SCAF11: variants seen among roughly 807,000 people sequenced by gnomAD.
SCAF11 encodes protein SCAF11.
In SCAF11, 47 loss-of-function variants were observed where a neutral mutation model predicts 140.5. The observed-to-expected ratio is 0.33, with a 90% CI of 0.26 to 0.43. SCAF11 has a LOEUF of 0.43. Ranked by LOEUF, SCAF11 falls within the 20% of genes least tolerant of loss-of-function variation. SCAF11 has a pLI of 1.00. For synonymous variants in SCAF11, 557 were observed against 579.4 expected, an observed-to-expected ratio of 0.96 and a Z score of 0.55; for missense variants, 1,645 against 1,705.1, an observed-to-expected ratio of 0.96 and a Z score of 0.62.
Position 45,928,632 on chromosome 12 carries a change from T to G in SCAF11, c.1069A>C (p.Ser357Arg), listed in dbSNP as rs1944961126. 3 of 1,614,136 alleles carry G rather than the reference T, an allele frequency of 1.9e-6. No individual in the cohort carries two copies. The highest frequency in any genetic ancestry group is 2.5e-6 in the Non-Finnish European group (3 of 1,180,010). Residue 357 changes from serine to arginine, a missense_variant, in exon 11 of 15, where the codon AGT becomes CGT. Around this residue, in one of 2 missense-constraint regions of SCAF11, gnomAD observed 1,582 missense variants for 1,609.2 expected, o/e 0.98. Transcript: ENST00000369367. ...DAPGNSNPSL[S>R]VPSSAESEKQ... Reference sequence around the variant, plus strand: ...TCTGACTCAGCTGAAGAGGGAACACTTAAAGATGGATTACTGTTACCTGGG... The same window carrying G: ...TCTGACTCAGCTGAAGAGGGAACACGTAAAGATGGATTACTGTTACCTGGG...
chr12:45,982,490 T>G (rs1946369829), intron 1 of SCAF11, among the ~76,000 whole-genome samples: 1 of 152,130 alleles, frequency 6.6e-6, no homozygotes, highest in African/African-American at 2.4e-5. Flanking sequence ...GCAGATCACT[T>G]GAGGTCAGGA....
At position 45,928,119 on chromosome 12, in the gene SCAF11, G is replaced by C. The variant is rs770404254; in HGVS notation, c.1582C>G (p.Gln528Glu). Residue 528 changes from glutamine to glutamate, a missense_variant, in exon 11 of 15, where the codon CAG becomes GAG. This residue lies in a region of SCAF11 where 1,582 missense variants were observed against 1,609.2 expected (regional missense o/e 0.98). Transcript: ENST00000369367. ...TCTGATTGTGAAAGTCCAGATATCT[G>C]GTCTTGCTTTTCCAATGGATCACCT... is the stretch of plus-strand genomic sequence containing the variant. Reference protein sequence around the residue: ...KGGDPLEKQDQISGLSQSEVK... With the variant: ...KGGDPLEKQDEISGLSQSEVK... The C allele has an allele frequency of 6.2e-7, 1 of 1,613,728 alleles. No individual in the cohort carries two copies. Among genetic ancestry groups the C allele is most frequent in the Non-Finnish European group, 8.5e-7 (1 of 1,179,966 alleles).
At chr12:45,922,794 T>C in intron 13 of SCAF11, 142 bp downstream of exon 13, 2 of 851,204 alleles carry the variant, frequency 2.3e-6, no homozygotes, top group Non-Finnish European at 3.7e-6. Flanking sequence ...CATCAACACA[T>C]CTAGAGAGAA....
rs1319171025 is a variant in SCAF11, at chr12:45,927,691, A to C, written c.2010T>G (p.Asn670Lys). ...IQDSENNLLK[N>K]NLLNTKLEKS... is the part of the protein sequence containing the mutation. ...TTTCCAATTTGGTGTTCAGAAGATT[A>C]TTTTTTAGTAAGTTATTTTCAGAGT... The change falls in exon 11 of 15, where the codon AAT (asparagine) becomes AAG (lysine). Residue 670 changes from asparagine to lysine, a missense_variant. This residue lies in a region of SCAF11 where 1,582 missense variants were observed against 1,609.2 expected (regional missense o/e 0.98). Transcript: ENST00000369367. The C allele has an allele frequency of 6.2e-7, 1 of 1,611,962 alleles. No individual in the cohort carries two copies. Among genetic ancestry groups the C allele is most frequent in the Non-Finnish European group, 8.5e-7 (1 of 1,179,564 alleles).
At chr12:45,925,378 C>G (rs1003359735) in intron 11 of SCAF11, among the ~76,000 whole-genome samples, 1 of 152,074 alleles carries the variant, frequency 6.6e-6, no homozygotes, top group Non-Finnish European at 1.5e-5. Context: ...CATGGTGAAA[C>G]CCCGTCTCTA....
chr12:45,977,525 C>T (rs1480327790), intron 1 of SCAF11, among the ~76,000 whole-genome samples: 1 of 152,048 alleles, frequency 6.6e-6, no homozygotes, highest in Non-Finnish European at 1.5e-5. Context: ...TGTATTAAAA[C>T]TCACAGAACT....
chr12:45,978,782 C>T (rs1176847033), intron 1 of SCAF11, among the ~76,000 whole-genome samples: 1 of 152,114 alleles, frequency 6.6e-6, no homozygotes, highest in Non-Finnish European at 1.5e-5. Context: ...TCCATCTACT[C>T]ACCTCCCAAA....
intron 1 of SCAF11, among the ~76,000 whole-genome samples, chr12:45,977,292 T>C (rs1347235082): frequency 6.6e-6 from 1 of 152,184 alleles, no homozygotes; most frequent in African/African-American, 2.4e-5. Context: ...TAGCATTTCA[T>C]TCAACAAATT....
chr12:45,985,847 G>C (rs931810892), intron 1 of SCAF11, among the ~76,000 whole-genome samples: 5 of 152,064 alleles, frequency 3.3e-5, no homozygotes, highest in African/African-American at 1.2e-4. Flanking sequence ...AGGCCAATGA[G>C]CTTCACATTG....
chr12:45,981,660 G>T (rs1038508221), intron 1 of SCAF11, among the ~76,000 whole-genome samples: 1 of 152,074 alleles, frequency 6.6e-6, no homozygotes, highest in African/African-American at 2.4e-5. Context: ...AGCCGAGTGT[G>T]GTGGCATGCC....
chr12:45,954,426 G>A (rs78102705), intron 3 of SCAF11, among the ~76,000 whole-genome samples: 3,183 of 151,990 alleles, frequency 0.021, 120 homozygotes, highest in African/African-American at 0.073. Flanking sequence ...TCATAGAGAT[G>A]GGGTTTTACC....
At chr12:45,956,123 CG>C (rs1312163251) in intron 3 of SCAF11, 1 of 716,334 alleles carries the variant, frequency 1.4e-6, no homozygotes, top group Non-Finnish European at 2.6e-6. Context: ...TCAGGATCCT[CG>C]ATTTCTAATT....
chr12:45,954,633 G>C (rs1384276407), intron 3 of SCAF11: 1 of 145,988 alleles, frequency 6.8e-6, no homozygotes, highest in Non-Finnish European at 1.5e-5. Context: ...GCAGTCACCT[G>C]ATCACAGCTT....
chr12:45,923,076 T>C lies in SCAF11; in HGVS notation c.3985A>G (p.Thr1329Ala). The change falls in exon 13 of 15, where the codon ACG becomes GCG. Residue 1329 changes from threonine to alanine, a missense_variant. Coordinates refer to ENST00000369367, the MANE Select transcript of SCAF11 (RefSeq NM_004719.3). ...GAACTTGGTCCCTGAACCATTCCCG[T>C]ATTTCCTGGGGCTGCTGTCGGAGCA... is the stretch of plus-strand genomic sequence containing the variant. The part of the protein sequence containing the change: ...LPAPTAAPGN[T>A]GMVQGPSSGN... 1 of 1,614,164 alleles carries C rather than the reference T, an allele frequency of 6.2e-7. No homozygotes were observed. Among genetic ancestry groups the C allele is most frequent in the Non-Finnish European group, 8.5e-7 (1 of 1,180,010 alleles).
chr12:45,950,605 C>T (rs1416343253), intron 4 of SCAF11, among the ~76,000 whole-genome samples: 2 of 152,178 alleles, frequency 1.3e-5, no homozygotes, highest in Non-Finnish European at 2.9e-5. Flanking sequence ...CTATATTACA[C>T]TTCTATAATG....
chr12:45,928,520 A>G lies in SCAF11; in HGVS notation c.1181T>C (p.Val394Ala). 1 of 1,614,006 alleles carries G rather than the reference A, an allele frequency of 6.2e-7. No individual in the cohort carries two copies. The highest frequency in any genetic ancestry group is 8.5e-7 in the Non-Finnish European group (1 of 1,179,954). ...PLLKKKLRSSVAAPEKSSSND... is the reference protein window; with the variant it reads ...PLLKKKLRSSAAAPEKSSSND... ...GGAAGATGATTTTTCAGGGGCAGCT[A>G]CAGAGCTCCGAAGTTTCTTTTTCAG... The change falls in exon 11 of 15, where the codon GTA becomes GCA. Residue 394 changes from valine to alanine, a missense_variant. By Grantham distance (64) the Val-to-Ala change is moderately conservative (BLOSUM62 0). Around this residue, in one of 2 missense-constraint regions of SCAF11, gnomAD observed 1,582 missense variants for 1,609.2 expected, o/e 0.98. Coordinates refer to ENST00000369367, the MANE Select transcript of SCAF11 (RefSeq NM_004719.3).
intron 11 of SCAF11, among the ~76,000 whole-genome samples, chr12:45,925,679 T>G (rs1944840412): frequency 6.6e-6 from 1 of 152,168 alleles, no homozygotes; most frequent in South Asian, 2.1e-4. Context: ...AACTACTAAA[T>G]TATAAGGTTA....
chr12:45,944,294 A>C (rs1030520886), intron 6 of SCAF11, among the ~76,000 whole-genome samples: 6 of 152,150 alleles, frequency 3.9e-5, no homozygotes, highest in Admixed American at 3.3e-4. Context: ...TAACCACAGA[A>C]GTCCAGAGAT....
At chr12:45,952,082 G>C (rs1945564243) in intron 3 of SCAF11, among the ~76,000 whole-genome samples, 1 of 152,184 alleles carries the variant, frequency 6.6e-6, no homozygotes, top group East Asian at 1.9e-4. Flanking sequence ...GGCTCCGAAA[G>C]GTTCCTCACA....
Sources: gnomAD v4.1 joint callset for allele counts (sites outside exome capture counted in the v4.1 genomes callset) on GRCh38, gnomAD v4.1.1 for gene constraint, gnomAD v4.1.1 regional missense constraint, MANE v1.5 for transcripts, NCBI Gene and HGNC (gene_info 2026-07-23, HGNC 2026-07-21) for gene names.